The following CLMN variants were observed in gnomAD, a reference collection of about 807,000 sequenced individuals.
CLMN encodes calmin.
CLMN carries 57 observed loss-of-function variants against 92.7 expected under a neutral mutation model. The observed-to-expected ratio is 0.61, with a 90% confidence interval of 0.50 to 0.77. The LOEUF (loss-of-function observed/expected upper bound fraction) is 0.77. CLMN is among the 30% of genes least tolerant of loss of function. CLMN has a pLI of 0.00. For synonymous variants in CLMN, 466 were observed against 470.6 expected, an observed-to-expected ratio of 0.99 and a Z score of 0.13; for missense variants, 1,158 against 1,237.5, an observed-to-expected ratio of 0.94 and a Z score of 0.96.
At chr14:95,200,799 A>T (rs1182096013) in intron 9 of CLMN, among the ~76,000 whole-genome samples, 1 of 152,116 alleles carries the variant, frequency 6.6e-6, no homozygotes, top group Non-Finnish European at 1.5e-5. Flanking sequence ...GAAACCAAAG[A>T]TTAGTGCCCA....
At chr14:95,298,077 T>C (rs186775450) in intron 1 of CLMN, among the ~76,000 whole-genome samples, 1 of 152,062 alleles carries the variant, frequency 6.6e-6, no homozygotes, top group African/African-American at 2.4e-5. Flanking sequence ...CGCACTGGGA[T>C]GGGCCTGCTC....
chr14:95,196,153 G>A (rs937919581), intron 10 of CLMN, among the ~76,000 whole-genome samples: 1 of 152,178 alleles, frequency 6.6e-6, no homozygotes, highest in Admixed American at 6.5e-5. Context: ...AGTTGTCTGG[G>A]GGCCAGAAGG....
Position 95,191,689 on chromosome 14 carries a change from TGTGGCTCCCCAGTGAC to T in CLMN, c.2868_2883del (p.Met956IlefsTer8). On this transcript the variant is annotated frameshift_variant, in exon 13 of 13. Coordinates refer to ENST00000298912, the MANE Select transcript of CLMN (RefSeq NM_024734.4). LOFTEE classifies it high-confidence loss of function. The surrounding 1 kb of genome is among the most constrained non-coding windows in gnomAD (Gnocchi z 5.3). ...TGTGTCAGGGAGTCACTCTGCGGGC[TGTGGCTCCCCAGTGAC>T]ATGGCTTCTCCTGAGCTGTTGGCCT... 1 of 1,612,888 alleles carries T rather than the reference TGTGGCTCCCCAGTGAC, an allele frequency of 6.2e-7. No homozygotes were observed.
intron 7 of CLMN, 91 bp from the exon 8 acceptor site, chr14:95,209,568 G>A (rs575080309): frequency 8.0e-6 from 8 of 999,320 alleles, no homozygotes; most frequent in Middle Eastern, 2.1e-4. Flanking sequence ...GAATCCCACA[G>A]ATTATTGAAG....
chr14:95,250,298 G>A (rs942145797), intron 1 of CLMN, among the ~76,000 whole-genome samples: 3 of 152,146 alleles, frequency 2.0e-5, no homozygotes, highest in Non-Finnish European at 2.9e-5. Flanking sequence ...CATGTGTGAC[G>A]GTAAACAGAA....
chr14:95,202,290 A>G (rs1047367395), intron 9 of CLMN, among the ~76,000 whole-genome samples: 2 of 152,140 alleles, frequency 1.3e-5, no homozygotes, highest in Non-Finnish European at 2.9e-5. Context: ...GTGAGATGGA[A>G]TCTCATTGTG....
rs1375242555 is a variant in CLMN, at chr14:95,196,547, A to T, written c.2659T>A (p.Ser887Thr). The T allele has an allele frequency of 2.5e-6, 4 of 1,614,032 alleles. No homozygotes were observed. The highest frequency in any genetic ancestry group is 3.4e-6 in the Non-Finnish European group (4 of 1,180,036). Reference sequence around the variant, plus strand: ...CTGTCTTCTTCTAGGTCATCTGAGGATTGAACACTTCCTGGTGCTACAAAT... The same window carrying T: ...CTGTCTTCTTCTAGGTCATCTGAGGTTTGAACACTTCCTGGTGCTACAAAT... Reference protein sequence around the residue: ...SLFVAPGSVQSSDDLEEDSSD... With the variant: ...SLFVAPGSVQTSDDLEEDSSD... Residue 887 changes from serine to threonine, a missense_variant, in exon 10 of 13, where the codon TCC becomes ACC. Ser to Thr is a moderately conservative substitution (Grantham distance 58). Transcript: ENST00000298912.
chr14:95,201,665 C>T (rs1332780497), intron 9 of CLMN, among the ~76,000 whole-genome samples: 1 of 151,204 alleles, frequency 6.6e-6, no homozygotes, highest in Non-Finnish European at 1.5e-5. Context: ...GTTTGCTGCA[C>T]CTATCAACCC....
intron 12 of CLMN, chr14:95,193,334 G>A: frequency 6.5e-7 from 1 of 1,533,956 alleles, no homozygotes; most frequent in Non-Finnish European, 8.7e-7. Context: ...TAGACATCCT[G>A]GCATGTTTGC....
chr14:95,303,472 G>A (rs1365072034), intron 1 of CLMN, among the ~76,000 whole-genome samples: 2 of 152,226 alleles, frequency 1.3e-5, no homozygotes, highest in East Asian at 3.8e-4. Flanking sequence ...GGAGGACCTT[G>A]GCGGGGAGTT....
intron 1 of CLMN, among the ~76,000 whole-genome samples, chr14:95,297,958 G>A (rs768951593): frequency 1.3e-5 from 2 of 152,172 alleles, no homozygotes; most frequent in Non-Finnish European, 2.9e-5. Context: ...GTATGGTAGA[G>A]TATGTCTCAC....
rs1566877625 is a variant in CLMN at position 95,223,764 on chromosome 14, T to G, written c.236A>C (p.Asn79Thr). The change falls in exon 3 of 13, where the codon AAT (asparagine) becomes ACT (threonine). Residue 79 changes from asparagine to threonine, a missense_variant. Transcript: ENST00000298912. ...ACCCTTCTGTAACATACGTACCAGA[T>G]TCCGCCCAGACAGGACTTCTAACAA... ...MALLEVLSGR[N>T]LLHEYKSSSH... The G allele has an allele frequency of 3.1e-6, 5 of 1,612,092 alleles. No homozygotes were observed. Among genetic ancestry groups the G allele is most frequent in the Non-Finnish European group, 4.2e-6 (5 of 1,178,906 alleles).
intron 1 of CLMN, among the ~76,000 whole-genome samples, chr14:95,241,204 A>G (rs1356382580): frequency 6.6e-6 from 1 of 152,090 alleles, no homozygotes; most frequent in Non-Finnish European, 1.5e-5. Context: ...GTGCATGGAA[A>G]GGCCAATCAG....
At chr14:95,206,160 A>G (rs974385577) in intron 8 of CLMN, among the ~76,000 whole-genome samples, 1 of 152,244 alleles carries the variant, frequency 6.6e-6, no homozygotes, top group Admixed American at 6.5e-5. Context: ...CAGACAAAGC[A>G]CACTTCAAGA....
chr14:95,271,465 T>C (rs1899708192), intron 1 of CLMN, among the ~76,000 whole-genome samples: 1 of 152,140 alleles, frequency 6.6e-6, no homozygotes, highest in Non-Finnish European at 1.5e-5. Context: ...TCCTTTTACC[T>C]CATTTCAGAA....
Position 95,259,947 on chromosome 14 carries a change from C to G in CLMN, c.83-29814G>C, listed in dbSNP as rs936023816. 4.6e-5 allele frequency among the ~76,000 whole-genome samples: 7 copies of G among 152,188 alleles called. No individual in the cohort carries two copies. Among genetic ancestry groups the G allele is most frequent in the Non-Finnish European group, 1.0e-4 (7 of 68,040 alleles). On this transcript the variant is annotated intron_variant, in intron 1 of 12. Transcript: ENST00000298912. The surrounding 1 kb of genome is among the most constrained non-coding windows in gnomAD (Gnocchi z 4.3). ...CACACGCTGTTCCTGCTGTCTGGCACTCTCTCCCTGCACTTCTCCACCTGC... is the reference window on the plus strand; with the variant it reads ...CACACGCTGTTCCTGCTGTCTGGCAGTCTCTCCCTGCACTTCTCCACCTGC...
Position 95,292,416 on chromosome 14 carries a change from G to GC in CLMN, c.82+27294dup, listed in dbSNP as rs1329284407. Reference sequence around the variant, plus strand: ...CAAACAAACACCAGTAATGAGATCTGCCCCCCAAGGGTCCCCCACCCCCAC... The same window carrying GC: ...CAAACAAACACCAGTAATGAGATCTGCCCCCCCAAGGGTCCCCCACCCCCAC... On this transcript the variant is annotated intron_variant, in intron 1 of 12. Transcript: ENST00000298912. Among the ~76,000 whole-genome samples, 4 of 129,672 alleles carry GC rather than the reference G, an allele frequency of 3.1e-5. No homozygotes were observed. The South Asian group carries it at 8.4e-4, about 27-fold the overall frequency. The allele number at this position is 129,672 out of a possible 152,430, so 85.1% of individuals were successfully genotyped here. A position where few individuals can be genotyped will look rare whatever the true frequency, so the allele number is the denominator to read the frequency against.
intron 9 of CLMN, among the ~76,000 whole-genome samples, chr14:95,198,693 T>C (rs1896793311): frequency 6.6e-6 from 1 of 152,140 alleles, no homozygotes; most frequent in African/African-American, 2.4e-5. Flanking sequence ...AGTTCAAATC[T>C]AGATCTCCCG....
chr14:95,267,618 G>A (rs939751674), intron 1 of CLMN, among the ~76,000 whole-genome samples: 3 of 151,980 alleles, frequency 2.0e-5, no homozygotes, highest in Non-Finnish European at 2.9e-5. Context: ...ATGAAGATTC[G>A]TCAAAAAACT....
Sources: allele counts gnomAD v4.1 joint callset (sites outside exome capture counted in the v4.1 genomes callset), GRCh38; gene constraint gnomAD v4.1.1; non-coding constraint Gnocchi (gnomAD v3.1); transcripts MANE v1.5; gene names NCBI Gene and HGNC (gene_info 2026-07-23, HGNC 2026-07-21).